TET2: variants seen among roughly 807,000 people sequenced by gnomAD.
TET2 encodes methylcytosine dioxygenase TET2.
Under a neutral mutation model 142.9 loss-of-function variants are expected in TET2, and 299 were observed. The ratio of observed to expected loss-of-function variants is 2.09; its 90% CI spans 1.90 to 2.30. TET2 has a LOEUF of 2.30. TET2 is among the 30% of genes most tolerant of loss of function. The pLI, the probability that TET2 is intolerant of heterozygous loss-of-function variation, is 0.00. For synonymous variants in TET2, 819 were observed against 849.0 expected, an observed-to-expected ratio of 0.96 and a Z score of 0.61; for missense variants, 2,418 against 2,378.0, an observed-to-expected ratio of 1.02 and a Z score of -0.35.
intron 1 of TET2, among the ~76,000 whole-genome samples, chr4:105,151,735 C>T (rs1723308874): frequency 1.3e-5 from 2 of 152,038 alleles, no homozygotes; most frequent in South Asian, 2.1e-4. Context: ...GAAAGTTGTT[C>T]CTCTAAACTG....
intron 1 of TET2, chr4:105,172,550 C>G (rs149164450): frequency 6.6e-6 from 1 of 152,208 alleles, no homozygotes; most frequent in East Asian, 1.9e-4. Flanking sequence ...GAAGAAAATT[C>G]ACATATAAGC....
intron 8 of TET2, among the ~76,000 whole-genome samples, chr4:105,268,062 C>T (rs1251510665): frequency 1.3e-5 from 2 of 152,076 alleles, no homozygotes; most frequent in Non-Finnish European, 2.9e-5. Flanking sequence ...TTCTATTCAA[C>T]ATCAAACTGT....
intron 1 of TET2, among the ~76,000 whole-genome samples, chr4:105,159,152 A>C (rs1331853301): frequency 2.6e-5 from 4 of 152,124 alleles, no homozygotes; most frequent in African/African-American, 4.8e-5. Flanking sequence ...ACCAAAGATC[A>C]AGGTGTTTAG....
intron 8 of TET2, among the ~76,000 whole-genome samples, chr4:105,268,511 G>C (rs1730800489): frequency 6.6e-6 from 1 of 152,094 alleles, no homozygotes; most frequent in African/African-American, 2.4e-5. Context: ...AACCCCAGCA[G>C]GTTTTTTGAA....
At position 105,180,869 on chromosome 4, in the gene TET2, C is replaced by G. The variant is rs573012054; in HGVS notation, c.-192-9491C>G. On this transcript the variant is annotated intron_variant, in intron 1 of 10. Coordinates refer to ENST00000380013, the MANE Select transcript of TET2 (RefSeq NM_001127208.3). ...GGCCAGACTGGTCTTGAACTCCTGA[C>G]CTCAGGTGATCCACCCACCGCAGCC... 7.9e-5 allele frequency among the ~76,000 whole-genome samples: 12 copies of G among 152,252 alleles called. No homozygotes were observed. In the South Asian group the frequency reaches 2.5e-3, roughly 32 times the overall value.
intron 2 of TET2, among the ~76,000 whole-genome samples, chr4:105,223,386 A>G (rs1038352711): frequency 3.3e-5 from 5 of 151,994 alleles, no homozygotes; most frequent in Admixed American, 2.0e-4. Flanking sequence ...TTAACTTTAA[A>G]TTAACGAAGA....
chr4:105,154,540 A>T (rs1723467361), intron 1 of TET2, among the ~76,000 whole-genome samples: 1 of 152,188 alleles, frequency 6.6e-6, no homozygotes, highest in Admixed American at 6.5e-5. Context: ...GATGAGAAGG[A>T]TACTTAATCA....
chr4:105,238,464 T>C (rs887390833), intron 3 of TET2: 1 of 249,582 alleles, frequency 4.0e-6, no homozygotes, highest in East Asian at 6.1e-5. Flanking sequence ...GTGCTGCTGC[T>C]TTATCAACTA....
At chr4:105,147,323 A>C (rs1490127081) in intron 1 of TET2, 1 of 152,228 alleles carries the variant, frequency 6.6e-6, no homozygotes. Flanking sequence ...CCTTTCTAAA[A>C]TAGTTCAGCT....
At chr4:105,271,954 AAG>A (rs1730984245) in intron 9 of TET2, among the ~76,000 whole-genome samples, 1 of 152,212 alleles carries the variant, frequency 6.6e-6, no homozygotes, top group South Asian at 2.1e-4. Context: ...GAGGAGAGAC[AAG>A]AGAGTGAAAA....
chr4:105,261,555 T>A (rs1297164415), intron 7 of TET2, among the ~76,000 whole-genome samples: 1 of 151,756 alleles, frequency 6.6e-6, no homozygotes, highest in Non-Finnish European at 1.5e-5. Flanking sequence ...ATCAATCTTA[T>A]GAAAAAAACA....
chr4:105,227,255 G>C (rs971341803), intron 2 of TET2, among the ~76,000 whole-genome samples: 1 of 152,282 alleles, frequency 6.6e-6, no homozygotes, highest in South Asian at 2.1e-4. Flanking sequence ...AGTCACTCCA[G>C]GTTTTCCCAA....
chr4:105,236,791 C>T lies in TET2; in HGVS notation c.2849C>T (p.Ala950Val), dbSNP rs1165485401. The change falls in exon 3 of 11, where the codon GCT becomes GTT. Residue 950 changes from alanine (A) to valine (V), a missense_variant. Transcript: ENST00000380013. ...TPPQKDTQKHAALRWHLLQKQ... is the reference protein window; with the variant it reads ...TPPQKDTQKHVALRWHLLQKQ... ...CCCCAGAAGGACACTCAAAAGCATGCTGCTCTAAGGTGGCATCTCTTACAG... is the reference window on the plus strand; with the variant it reads ...CCCCAGAAGGACACTCAAAAGCATGTTGCTCTAAGGTGGCATCTCTTACAG... 1 of 1,614,010 alleles carries T rather than the reference C, an allele frequency of 6.2e-7. No homozygotes were observed. Among genetic ancestry groups the T allele is most frequent in the African/African-American group, 1.3e-5 (1 of 74,926 alleles).
chr4:105,153,042 A>G (rs1446402736), intron 1 of TET2, among the ~76,000 whole-genome samples: 3 of 152,242 alleles, frequency 2.0e-5, no homozygotes, highest in African/African-American at 4.8e-5. Flanking sequence ...TTTAAGCACA[A>G]AAGTGAATGG....
intron 2 of TET2, among the ~76,000 whole-genome samples, chr4:105,218,534 G>A (rs1727628958): frequency 6.6e-6 from 1 of 152,064 alleles, no homozygotes; most frequent in Admixed American, 6.6e-5. Flanking sequence ...AGCCCCAGTA[G>A]ATATTTATCA....
chr4:105,190,443 G>A lies in TET2; in HGVS notation c.-109G>A. The A allele has an allele frequency of 1.4e-6, 1 of 701,940 alleles. No homozygotes were observed. Among genetic ancestry groups the A allele is most frequent in the East Asian group, 2.7e-5 (1 of 37,270 alleles). 43.5% of individuals were successfully genotyped at this position (701,940 alleles called of 1,614,324 possible). ...TGAGTTACAACGCTTGGAAGCAGGA[G>A]ATGGGCTCAGCAGCAGCCAATAGGA... On this transcript the variant is annotated 5_prime_UTR_variant, in exon 2 of 11. Transcript: ENST00000380013.
At chr4:105,197,328 C>T (rs762902544) in intron 2 of TET2, among the ~76,000 whole-genome samples, 2 of 152,164 alleles carry the variant, frequency 1.3e-5, no homozygotes, top group South Asian at 2.1e-4. Flanking sequence ...TTTCTGATGA[C>T]TAAACATGCT....
chr4:105,263,269 G>A (rs1211175084), intron 8 of TET2, among the ~76,000 whole-genome samples: 2 of 152,180 alleles, frequency 1.3e-5, no homozygotes, highest in Non-Finnish European at 2.9e-5. Flanking sequence ...GTGTGTTGGG[G>A]ATGGAAGGGT....
intron 8 of TET2, among the ~76,000 whole-genome samples, chr4:105,262,892 A>AC (rs944122382): frequency 6.6e-6 from 1 of 151,884 alleles, no homozygotes; most frequent in African/African-American, 2.4e-5. Flanking sequence ...AAAAAAAAAA[A>AC]AAAATTCATC....
Sources: gnomAD v4.1 joint callset for allele counts (sites outside exome capture counted in the v4.1 genomes callset) on GRCh38, gnomAD v4.1.1 for gene constraint, MANE v1.5 for transcripts, NCBI Gene and HGNC (gene_info 2026-07-23, HGNC 2026-07-21) for gene names.